LSAMP: variants seen among roughly 807,000 people sequenced by gnomAD.
LSAMP encodes the protein limbic system associated membrane protein, also known as limbic system-associated membrane protein.
Under a neutral mutation model 38.6 loss-of-function variants are expected in LSAMP, and 7 were observed. The observed-to-expected ratio is 0.18, with a 90% CI of 0.10 to 0.34. LSAMP has a LOEUF of 0.34. Ranked by LOEUF, LSAMP falls within the 10% of genes least tolerant of loss-of-function variation. The pLI, the probability that LSAMP is intolerant of heterozygous loss-of-function variation, is 1.00. For missense variants in LSAMP, 313 were observed against 420.0 expected, an observed-to-expected ratio of 0.75 and a Z score of 2.23; for synonymous variants, 154 against 166.8, an observed-to-expected ratio of 0.92 and a Z score of 0.59.
rs780919565 is a variant in LSAMP, at chr3:115,810,457, T to C, written c.920-43A>G. 5 of 1,318,146 alleles carry C rather than the reference T, an allele frequency of 3.8e-6. No homozygotes were observed. In the South Asian group the frequency reaches 4.8e-5, roughly 13 times the overall value. 81.7% of individuals were successfully genotyped at this position (1,318,146 alleles called of 1,614,324 possible). Reference sequence around the variant, plus strand: ...AGAGAGAAAAAGAGAATGAGTTACATGGGCCCACTGTATGTTATAGCTGAC... The same window carrying C: ...AGAGAGAAAAAGAGAATGAGTTACACGGGCCCACTGTATGTTATAGCTGAC... On this transcript the variant is annotated intron_variant, in intron 6 of 6. Coordinates refer to ENST00000490035, the MANE Select transcript of LSAMP (RefSeq NM_002338.5).
At chr3:115,867,075 T>G (rs1935883218) in intron 3 of LSAMP, among the ~76,000 whole-genome samples, 1 of 151,748 alleles carries the variant, frequency 6.6e-6, no homozygotes, top group African/African-American at 2.4e-5. Context: ...ATCTAACTGT[T>G]TGGGGTAGCT....
intron 3 of LSAMP, among the ~76,000 whole-genome samples, chr3:115,893,604 ATTGAG>A (rs1289827591): frequency 6.6e-6 from 1 of 151,996 alleles, no homozygotes; most frequent in Non-Finnish European, 1.5e-5. Flanking sequence ...GTAGAGAAAA[ATTGAG>A]TTGTCTCTTT....
intron 1 of LSAMP, among the ~76,000 whole-genome samples, chr3:116,312,530 A>G (rs1408780359): frequency 6.6e-6 from 1 of 152,116 alleles, no homozygotes; most frequent in Non-Finnish European, 1.5e-5. Flanking sequence ...CATTTTTAAA[A>G]TAATCCATTT....
At chr3:116,106,232 C>T (rs536814894) in intron 1 of LSAMP, among the ~76,000 whole-genome samples, 4 of 152,248 alleles carry the variant, frequency 2.6e-5, no homozygotes, top group African/African-American at 9.6e-5. Flanking sequence ...TTGGGGATAG[C>T]ACCAGGAGAT....
At chr3:116,030,784 C>A (rs1003073981) in intron 2 of LSAMP, among the ~76,000 whole-genome samples, 1 of 152,006 alleles carries the variant, frequency 6.6e-6, no homozygotes, top group Non-Finnish European at 1.5e-5. Context: ...CCTTTATACT[C>A]CAAAAGATAT....
At chr3:116,088,951 T>C (rs1200346711) in intron 1 of LSAMP, among the ~76,000 whole-genome samples, 1 of 152,196 alleles carries the variant, frequency 6.6e-6, no homozygotes, top group Non-Finnish European at 1.5e-5. Context: ...GGACATTTGG[T>C]AACCTATATT....
intron 1 of LSAMP, among the ~76,000 whole-genome samples, chr3:116,431,653 A>G (rs1043520660): frequency 2.0e-5 from 3 of 152,070 alleles, no homozygotes; most frequent in Non-Finnish European, 4.4e-5. Flanking sequence ...ACTTGTTTAT[A>G]TTATTCTAAT....
intron 6 of LSAMP, chr3:115,816,617 T>G (rs1336166360): frequency 2.3e-6 from 3 of 1,287,618 alleles, no homozygotes; most frequent in Non-Finnish European, 3.0e-6. Flanking sequence ...ACCATACCTT[T>G]TTGCTTGAAG....
At chr3:116,076,089 G>T (rs1707735839) in intron 2 of LSAMP, among the ~76,000 whole-genome samples, 1 of 152,010 alleles carries the variant, frequency 6.6e-6, no homozygotes, top group African/African-American at 2.4e-5. Flanking sequence ...ACCATTTGTT[G>T]AATAATGACA....
chr3:115,878,453 C>CTTTT (rs3087024), intron 3 of LSAMP, among the ~76,000 whole-genome samples: 6 of 55,540 alleles, frequency 1.1e-4, no homozygotes, highest in East Asian at 6.4e-4. Flanking sequence ...ACATGCTATT[C>CTTTT]TTTTTTTTTT....
At chr3:116,308,357 C>T (rs1330143263) in intron 1 of LSAMP, among the ~76,000 whole-genome samples, 1 of 151,998 alleles carries the variant, frequency 6.6e-6, no homozygotes, top group African/African-American at 2.4e-5. Context: ...AATGTGGAGT[C>T]CTCAAAATTA....
intron 3 of LSAMP, among the ~76,000 whole-genome samples, chr3:115,945,119 G>T (rs1938052404): frequency 6.6e-6 from 1 of 151,670 alleles, no homozygotes. Flanking sequence ...TATCTTATTT[G>T]CTTAGTTTTC....
At chr3:116,118,655 G>A (rs757752549) in intron 1 of LSAMP, among the ~76,000 whole-genome samples, 31 of 152,184 alleles carry the variant, frequency 2.0e-4, no homozygotes, top group Non-Finnish European at 3.7e-4. Flanking sequence ...AGTTAGCTCC[G>A]TGAGACCAGA....
At chr3:116,279,383 C>T (rs1251765072) in intron 1 of LSAMP, among the ~76,000 whole-genome samples, 1 of 152,190 alleles carries the variant, frequency 6.6e-6, no homozygotes, top group Non-Finnish European at 1.5e-5. Flanking sequence ...GCCCTGGCTA[C>T]TAGCTTTCTT....
chr3:116,175,458 A>G (rs915779051), intron 1 of LSAMP, among the ~76,000 whole-genome samples: 2 of 152,080 alleles, frequency 1.3e-5, no homozygotes, highest in African/African-American at 2.4e-5. Context: ...TCGTCCTACA[A>G]TGGTATAGAA....
intron 1 of LSAMP, among the ~76,000 whole-genome samples, chr3:116,327,524 C>T (rs1428898764): frequency 6.6e-6 from 1 of 152,018 alleles, no homozygotes; most frequent in East Asian, 1.9e-4. Flanking sequence ...TCTCCTCTAC[C>T]AGATCCTGAA....
intron 1 of LSAMP, among the ~76,000 whole-genome samples, chr3:116,256,555 C>T (rs117869441): frequency 0.01 from 1,546 of 152,144 alleles, 62 homozygotes; most frequent in East Asian, 0.068. Context: ...ATATAACATG[C>T]CTTTATCTGT....
At chr3:116,240,593 G>C (rs1166636081) in intron 1 of LSAMP, among the ~76,000 whole-genome samples, 2 of 152,140 alleles carry the variant, frequency 1.3e-5, no homozygotes, top group African/African-American at 4.8e-5. Context: ...TTAAAGTAAA[G>C]CCAAAGAGGA....
At chr3:116,234,147 CCTGTGATA>C (rs2046437568) in intron 1 of LSAMP, among the ~76,000 whole-genome samples, 1 of 152,204 alleles carries the variant, frequency 6.6e-6, no homozygotes, top group South Asian at 2.1e-4. Context: ...GCATACTCTT[CCTGTGATA>C]GTTCAGTCTT....
Sources: allele counts gnomAD v4.1 joint callset (sites outside exome capture counted in the v4.1 genomes callset), GRCh38; gene constraint gnomAD v4.1.1; transcripts MANE v1.5; gene names NCBI Gene and HGNC (gene_info 2026-07-23, HGNC 2026-07-21).